The following SEC14L1 variants were observed in gnomAD, a reference collection of about 807,000 sequenced individuals.
SEC14L1 encodes SEC14 like lipid binding 1.
A neutral mutation model predicts 85.3 loss-of-function variants in SEC14L1; 48 were observed. That is an observed-to-expected ratio of 0.56 (90% CI 0.45 to 0.72). The LOEUF is 0.72. SEC14L1 is among the 30% of genes least tolerant of loss of function. SEC14L1 has a pLI of 0.00. For synonymous variants in SEC14L1, 391 were observed against 355.5 expected (o/e 1.10, Z -1.12); for missense variants, 682 against 921.4 (o/e 0.74, Z 3.36).
chr17:77,117,242 G>C (rs1001189009), intron 3 of SEC14L1, among the ~76,000 whole-genome samples: 3 of 152,190 alleles, frequency 2.0e-5, no homozygotes, highest in African/African-American at 7.2e-5. Context: ...AGCTACTTGG[G>C]AGGCTGAGGA....
At chr17:77,191,079 G>GTCCTGGAGGGAGAGGGCA in intron 4 of SEC14L1, 102 bp from the exon 5 acceptor site, 1 of 1,504,090 alleles carries the variant, frequency 6.6e-7, no homozygotes, top group Non-Finnish European at 9.1e-7. Flanking sequence ...GGGAGAGGGC[G>GTCCTGGAGGGAGAGGGCA]TCCTGGAGGG....
intron 3 of SEC14L1, among the ~76,000 whole-genome samples, chr17:77,149,054 T>C (rs1228620781): frequency 1.3e-5 from 2 of 152,220 alleles, no homozygotes; most frequent in Admixed American, 1.3e-4. Context: ...CCATTCCCCA[T>C]CTGTCTCTCC....
intron 3 of SEC14L1, among the ~76,000 whole-genome samples, chr17:77,148,796 T>A (rs928613370): frequency 6.6e-6 from 1 of 152,236 alleles, no homozygotes; most frequent in African/African-American, 2.4e-5. Flanking sequence ...TTCCATTGTG[T>A]GTGTCCTGTG....
intron 9 of SEC14L1, among the ~76,000 whole-genome samples, chr17:77,202,928 T>A (rs113651842): frequency 0.013 from 1,093 of 82,658 alleles, 11 homozygotes; most frequent in African/African-American, 0.037. Context: ...CTAAAAAAAA[T>A]AAAAAAATAA....
intron 4 of SEC14L1, 59 bp downstream of exon 4, chr17:77,191,011 T>C: frequency 6.3e-7 from 1 of 1,597,106 alleles, no homozygotes; most frequent in South Asian, 1.1e-5. Flanking sequence ...GAGGGCGTCC[T>C]GGTGGGAGAG....
At chr17:77,136,215 C>T (rs1032406117), upstream of SEC14L1, among the ~76,000 whole-genome samples, 8 of 151,408 alleles carry the variant, frequency 5.3e-5, no homozygotes, top group African/African-American at 1.9e-4. Context: ...CTTTCTTTTT[C>T]TTTTCTTTCT....
At chr17:77,191,558 T>G (rs1052652406) in intron 5 of SEC14L1, among the ~76,000 whole-genome samples, 1 of 152,170 alleles carries the variant, frequency 6.6e-6, no homozygotes, top group Non-Finnish European at 1.5e-5. Flanking sequence ...TTTTTTCTTT[T>G]TTGAGACACA....
chr17:77,190,881 G>A lies in SEC14L1; in HGVS notation c.142G>A (p.Glu48Lys), dbSNP rs1277676329. ...GSDTVNEFKS[E>K]DGAIHVIERR... Reference sequence around the variant, plus strand: ...TGACACTGTGAATGAATTCAAGAGCGAAGATGGGGCTATTCATGTCATTGA... The same window carrying A: ...TGACACTGTGAATGAATTCAAGAGCAAAGATGGGGCTATTCATGTCATTGA... Residue 48 changes from glutamate to lysine, a missense_variant, in exon 4 of 17, where the codon GAA (glutamate) becomes AAA (lysine). Transcript: ENST00000436233. 4.3e-6 allele frequency: 7 copies of A among 1,614,094 alleles called. No individual in the cohort carries two copies. Among genetic ancestry groups the A allele is most frequent in the African/African-American group, 2.7e-5 (2 of 74,936 alleles).
intron 13 of SEC14L1, among the ~76,000 whole-genome samples, chr17:77,208,263 G>A (rs192943219): frequency 2.6e-5 from 4 of 152,312 alleles, no homozygotes; most frequent in Admixed American, 2.6e-4. Context: ...GTAAGTTACA[G>A]TAAAGGTTAT....
At chr17:77,155,879 CCACGTACCT>C (rs368415136) in intron 3 of SEC14L1, among the ~76,000 whole-genome samples, 9 of 152,214 alleles carry the variant, frequency 5.9e-5, no homozygotes, top group African/African-American at 2.2e-4. Flanking sequence ...TTCGCCCAGT[CCACGTACCT>C]CATCTTTAAG....
intron 3 of SEC14L1, among the ~76,000 whole-genome samples, chr17:77,120,684 C>T (rs569960198): frequency 5.3e-5 from 8 of 152,200 alleles, no homozygotes; most frequent in Non-Finnish European, 1.2e-4. Context: ...ACCCTGTTGT[C>T]CAGGCTGGTC....
At chr17:77,117,130 G>C (rs147424810) in intron 3 of SEC14L1, among the ~76,000 whole-genome samples, 9 of 152,002 alleles carry the variant, frequency 5.9e-5, no homozygotes, top group South Asian at 4.1e-4. Flanking sequence ...GGTGGATCAC[G>C]TGAGGTCAGG....
intron 3 of SEC14L1, among the ~76,000 whole-genome samples, chr17:77,152,085 G>C (rs1232750671): frequency 6.6e-6 from 1 of 152,166 alleles, no homozygotes; most frequent in Non-Finnish European, 1.5e-5. Flanking sequence ...AAGGAGCCCT[G>C]CCTCAGCCTG....
At chr17:77,129,091 A>G in intron 3 of SEC14L1, among the ~76,000 whole-genome samples, 1 of 152,208 alleles carries the variant, frequency 6.6e-6, no homozygotes, top group East Asian at 1.9e-4. Flanking sequence ...CTGGCAACCA[A>G]CTAGAGCGGT....
chr17:77,112,051 C>T (rs968554427), intron 3 of SEC14L1, among the ~76,000 whole-genome samples: 1 of 152,146 alleles, frequency 6.6e-6, no homozygotes, highest in Non-Finnish European at 1.5e-5. Flanking sequence ...ATCATGGGAG[C>T]AGTTACTGCC....
At chr17:77,139,100 C>T (rs1972881482), upstream of SEC14L1, among the ~76,000 whole-genome samples, 1 of 151,502 alleles carries the variant, frequency 6.6e-6, no homozygotes, top group African/African-American at 2.4e-5. Flanking sequence ...TAGCATGTTC[C>T]TCTATTCTGT....
At chr17:77,125,263 C>T (rs1332982678) in intron 3 of SEC14L1, among the ~76,000 whole-genome samples, 1 of 151,894 alleles carries the variant, frequency 6.6e-6, no homozygotes, top group African/African-American at 2.4e-5. Context: ...TCCCAAAGTG[C>T]TGGGATTACA....
intron 2 of SEC14L1, chr17:77,089,596 G>A: frequency 4.4e-6 from 2 of 455,408 alleles, no homozygotes; most frequent in South Asian, 3.1e-5. Context: ...ATAAACATTT[G>A]TTGATACATT....
In SEC14L1 at chr17:77,211,826, A is replaced by G. The variant is rs961007517; in HGVS notation, c.1612-124A>G. On this transcript the variant is annotated intron_variant, in intron 14 of 16. Transcript: ENST00000436233. ...TGGGGAAAGAGATCCGTCCATACGC[A>G]TTCAGCGTTTCCCTCCCCAGCTTCA... The G allele has an allele frequency of 4.8e-5, 59 of 1,235,934 alleles. No individual in the cohort carries two copies. The Admixed American group carries it at 8.9e-4, about 19-fold the overall frequency. 76.6% of individuals were successfully genotyped at this position (1,235,934 alleles called of 1,614,324 possible). A position where few individuals can be genotyped will look rare whatever the true frequency, so the allele number is the denominator to read the frequency against.
Sources: gnomAD v4.1 joint callset for allele counts (sites outside exome capture counted in the v4.1 genomes callset) on GRCh38, gnomAD v4.1.1 for gene constraint, MANE v1.5 for transcripts, NCBI Gene and HGNC (gene_info 2026-07-23, HGNC 2026-07-21) for gene names.